CYSTM1: variants seen among roughly 807,000 people sequenced by gnomAD.
The protein encoded by CYSTM1 is cysteine-rich transmembrane module-containing protein 1.
A neutral mutation model predicts 13.1 loss-of-function variants in CYSTM1; 4 were observed. The ratio of observed to expected loss-of-function variants is 0.31; its 90% CI spans 0.15 to 0.70. CYSTM1 has a LOEUF of 0.70. Among genes scored for constraint, CYSTM1 ranks in the 30% least tolerant of loss-of-function variants. The probability of loss-of-function intolerance (pLI) is 0.72; values close to 1 mark genes in which losing one functional copy is unlikely to be tolerated. For synonymous variants in CYSTM1, 36 were observed against 42.7 expected, an observed-to-expected ratio of 0.84 and a Z score of 0.62; for missense variants, 96 against 121.6, an observed-to-expected ratio of 0.79 and a Z score of 0.99.
chr5:140,243,227 T>C (rs969806276), intron 2 of CYSTM1, 78 bp from the exon 3 acceptor site: 4 of 1,146,538 alleles, frequency 3.5e-6, no homozygotes, highest in Non-Finnish European at 5.2e-6. Context: ...AGCCTTCCTG[T>C]GGTCCTGGGA....
rs969519373 is a variant in CYSTM1 at position 140,175,593 on chromosome 5, C to T, written c.-21+308C>T. Among the ~76,000 whole-genome samples the T allele has an allele frequency of 6.6e-6, 1 of 152,228 alleles. No individual in the cohort carries two copies. Among genetic ancestry groups the T allele is most frequent in the African/African-American group, 2.4e-5 (1 of 41,462 alleles). On this transcript the variant is annotated intron_variant, in intron 1 of 2. Transcript: ENST00000261811. The surrounding 1 kb of genome is among the most constrained non-coding windows in gnomAD (Gnocchi z 4.9). ...CGGTTCTCGTCTCACGAGGAGTCGG[C>T]GGGCTCGGAGCGGGGCTCGCCACAC... is the stretch of plus-strand genomic sequence containing the variant.
At chr5:140,176,401 T>A (rs1763884468) in intron 1 of CYSTM1, among the ~76,000 whole-genome samples, 1 of 152,242 alleles carries the variant, frequency 6.6e-6, no homozygotes, top group Non-Finnish European at 1.5e-5. Flanking sequence ...ATTTATAGAT[T>A]TATACAATAT....
intron 1 of CYSTM1, among the ~76,000 whole-genome samples, chr5:140,183,554 A>G (rs1665370112): frequency 1.3e-5 from 2 of 152,330 alleles, no homozygotes; most frequent in South Asian, 4.1e-4. Context: ...TTCAGATAGC[A>G]GTGTTGGTGG....
intron 2 of CYSTM1, among the ~76,000 whole-genome samples, chr5:140,206,828 T>C (rs1269383150): frequency 6.6e-6 from 1 of 152,128 alleles, no homozygotes; most frequent in African/African-American, 2.4e-5. Flanking sequence ...GAGAGGGGTC[T>C]CACCAAACAC....
chr5:140,181,655 T>A (rs1218377085), intron 1 of CYSTM1, among the ~76,000 whole-genome samples: 2 of 152,156 alleles, frequency 1.3e-5, no homozygotes, highest in African/African-American at 2.4e-5. Flanking sequence ...GTTAATTTTT[T>A]ATTTATATTT....
intron 1 of CYSTM1, among the ~76,000 whole-genome samples, chr5:140,192,261 C>T (rs534563343): frequency 1.3e-5 from 2 of 152,294 alleles, no homozygotes; most frequent in Admixed American, 6.5e-5. Context: ...TTCTAAAAAT[C>T]ATTTTCCTTA....
chr5:140,202,699 A>C (rs1401963487), intron 2 of CYSTM1: 1 of 152,234 alleles, frequency 6.6e-6, no homozygotes. Flanking sequence ...TTACACTTGC[A>C]ATACAGAGAA....
At chr5:140,216,360 G>A (rs575992697) in intron 2 of CYSTM1, among the ~76,000 whole-genome samples, 2 of 152,246 alleles carry the variant, frequency 1.3e-5, no homozygotes, top group South Asian at 2.1e-4. Context: ...GGTATGTTAC[G>A]CATACTCTCT....
At chr5:140,232,584 G>A (rs1187943626) in intron 2 of CYSTM1, among the ~76,000 whole-genome samples, 2 of 152,162 alleles carry the variant, frequency 1.3e-5, no homozygotes, top group African/African-American at 4.8e-5. Flanking sequence ...ACGCAAAAGT[G>A]TCTACACTGT....
At chr5:140,177,172 G>A (rs1011563236) in intron 1 of CYSTM1, among the ~76,000 whole-genome samples, 2 of 151,964 alleles carry the variant, frequency 1.3e-5, no homozygotes, top group Non-Finnish European at 2.9e-5. Context: ...AATTTCCTGA[G>A]CAACAGGAAA....
intron 2 of CYSTM1, among the ~76,000 whole-genome samples, chr5:140,238,258 G>A (rs552875785): frequency 6.6e-6 from 1 of 152,288 alleles, no homozygotes; most frequent in South Asian, 2.1e-4. Context: ...CTGTTGTGGA[G>A]CCTGGGCCAA....
At chr5:140,241,772 G>GC (rs1764751637) in intron 2 of CYSTM1, among the ~76,000 whole-genome samples, 1 of 152,184 alleles carries the variant, frequency 6.6e-6, no homozygotes. Flanking sequence ...AGGGCCTGGG[G>GC]TGGCCAGGCT....
intron 1 of CYSTM1, among the ~76,000 whole-genome samples, chr5:140,185,211 G>A (rs905721621): frequency 2.0e-5 from 3 of 152,206 alleles, no homozygotes. Context: ...GGCCTTCAGA[G>A]GTAGATGATC....
intron 2 of CYSTM1, among the ~76,000 whole-genome samples, chr5:140,197,364 C>T (rs577407141): frequency 7.2e-5 from 11 of 152,274 alleles, no homozygotes; most frequent in African/African-American, 2.4e-4. Flanking sequence ...TTACCAATCA[C>T]GATTGATTTC....
At chr5:140,224,105 AT>A (rs1764521379) in intron 2 of CYSTM1, among the ~76,000 whole-genome samples, 1 of 152,186 alleles carries the variant, frequency 6.6e-6, no homozygotes, top group Admixed American at 6.5e-5. Flanking sequence ...GGGTAAACAC[AT>A]GTATAGCTGG....
rs200630553 is a variant in CYSTM1 at position 140,243,343 on chromosome 5, C to T, written c.226C>T (p.Pro76Ser). 1.8e-4 allele frequency: 286 copies of T among 1,614,060 alleles called. 1 individual carries two copies. In the Middle Eastern group the frequency reaches 2.8e-3, roughly 16 times the overall value. ...AGACCAAAGAAGAGATGAGCTAGGA[C>T]CATCCACCTGCCTCACAGCCTGCTG... is the stretch of plus-strand genomic sequence containing the variant. ...VEDQRRDELGPSTCLTACWTA... is the reference protein window; with the variant it reads ...VEDQRRDELGSSTCLTACWTA... The change falls in exon 3 of 3, where the codon CCA becomes TCA. Residue 76 changes from proline (P) to serine (S), a missense_variant. By Grantham distance (74) the Pro-to-Ser change is moderately conservative. Transcript: ENST00000261811.
chr5:140,189,051 T>C (rs1764058382), intron 1 of CYSTM1, among the ~76,000 whole-genome samples: 1 of 152,226 alleles, frequency 6.6e-6, no homozygotes, highest in South Asian at 2.1e-4. Flanking sequence ...TGTTTTGGTA[T>C]CTTTCTTTTC....
At chr5:140,229,907 G>T (rs113992568) in intron 2 of CYSTM1, among the ~76,000 whole-genome samples, 2 of 152,180 alleles carry the variant, frequency 1.3e-5, no homozygotes, top group African/African-American at 4.8e-5. Flanking sequence ...GTATTGCTCT[G>T]TCACCCAAGC....
chr5:140,240,176 C>T (rs186010145), intron 2 of CYSTM1, among the ~76,000 whole-genome samples: 1 of 152,138 alleles, frequency 6.6e-6, no homozygotes, highest in African/African-American at 2.4e-5. Flanking sequence ...CCCAGCACCC[C>T]CCCACTGCTC....
Sources: gnomAD v4.1 joint callset for allele counts (sites outside exome capture counted in the v4.1 genomes callset) on GRCh38, gnomAD v4.1.1 for gene constraint, Gnocchi (gnomAD v3.1) non-coding constraint, MANE v1.5 for transcripts, NCBI Gene and HGNC (gene_info 2026-07-23, HGNC 2026-07-21) for gene names.